Variants in PPP2R2B observed in about 807,000 individuals in gnomAD.
PPP2R2B encodes protein phosphatase 2 regulatory subunit Bbeta.
A neutral mutation model predicts 46.0 loss-of-function variants in PPP2R2B; 5 were observed. That is an observed-to-expected ratio of 0.11 (90% confidence interval 0.06 to 0.23). The LOEUF (loss-of-function observed/expected upper bound fraction) is 0.23. PPP2R2B is among the 10% of genes least tolerant of loss of function. PPP2R2B has a pLI of 1.00. For synonymous variants in PPP2R2B, 215 were observed against 206.7 expected, an observed-to-expected ratio of 1.04 and a Z score of -0.34; for missense variants, 367 against 575.0, an observed-to-expected ratio of 0.64 and a Z score of 3.70.
At chr5:146,802,506 C>T (rs1756923048) in intron 2 of PPP2R2B, among the ~76,000 whole-genome samples, 1 of 152,242 alleles carries the variant, frequency 6.6e-6, no homozygotes, top group South Asian at 2.1e-4. Flanking sequence ...CATTAAGCAC[C>T]AAATCCAAGG....
chr5:146,869,467 A>T (rs1049692780), intron 2 of PPP2R2B, among the ~76,000 whole-genome samples: 2 of 152,248 alleles, frequency 1.3e-5, no homozygotes, highest in Non-Finnish European at 1.5e-5. Context: ...GGCATGAGAC[A>T]GATGTAGGTG....
intron 2 of PPP2R2B, among the ~76,000 whole-genome samples, chr5:146,782,939 G>T (rs557391226): frequency 6.6e-6 from 1 of 152,050 alleles, no homozygotes; most frequent in Non-Finnish European, 1.5e-5. Context: ...GGATACAAAA[G>T]TGTCATAGAA....
At chr5:146,723,953 G>C (rs185634335) in intron 2 of PPP2R2B, among the ~76,000 whole-genome samples, 1 of 151,874 alleles carries the variant, frequency 6.6e-6, no homozygotes, top group Admixed American at 6.6e-5. Context: ...TCATTCATTC[G>C]TGCCAACATT....
At chr5:146,891,774 A>G (rs1340701434) in intron 1 of PPP2R2B, among the ~76,000 whole-genome samples, 1 of 152,242 alleles carries the variant, frequency 6.6e-6, no homozygotes, top group African/African-American at 2.4e-5. Context: ...TAGCTTTGAC[A>G]GATAAAATAG....
At chr5:147,032,180 G>A (rs566894344) in intron 1 of PPP2R2B, among the ~76,000 whole-genome samples, 10 of 152,018 alleles carry the variant, frequency 6.6e-5, no homozygotes, top group African/African-American at 2.2e-4. Context: ...AATCTACAAC[G>A]AACTCAAACA....
Position 146,588,192 on chromosome 5 carries a change from C to G in PPP2R2B, c.*1755G>C, listed in dbSNP as rs1229082527. The stretch of plus-strand genomic sequence containing the variant: ...GAAAAATGAGAAATACTGAGAAAGT[C>G]TCGTCTTTGTTCCCATGCTCCCTCA... On this transcript the variant is annotated 3_prime_UTR_variant, in exon 10 of 10. Coordinates refer to ENST00000394411, the MANE Select transcript of PPP2R2B (RefSeq NM_181675.4). The G allele has an allele frequency of 6.6e-6, 1 of 152,220 alleles. No individual in the cohort carries two copies. The highest frequency in any genetic ancestry group is 2.4e-5 in the African/African-American group (1 of 41,468). The allele number at this position is 152,220 out of a possible 1,614,324, so 9.4% of individuals were successfully genotyped here.
Position 146,650,707 on chromosome 5 carries a change from G to A in PPP2R2B, c.465C>T (p.Pro155=), listed in dbSNP as rs1174472483. ...GGGTGGCCTCCACCATCAGGTCCAT[G>A]GGTCTCAGGACAGGCACCTGGGATG... is the stretch of plus-strand genomic sequence containing the variant. ...ITTLRVPVLR[P]MDLMVEATPR... The change falls in exon 6 of 10, where the codon CCC becomes CCT. Residue 155 remains proline (P), a synonymous_variant. Coordinates refer to ENST00000394411, the MANE Select transcript of PPP2R2B (RefSeq NM_181675.4). The A allele has an allele frequency of 1.1e-5, 18 of 1,613,732 alleles. No homozygotes were observed. The highest frequency in any genetic ancestry group is 1.4e-5 in the Non-Finnish European group (16 of 1,179,806).
At chr5:146,644,208 C>A (rs1318399441) in intron 6 of PPP2R2B, among the ~76,000 whole-genome samples, 3 of 132,784 alleles carry the variant, frequency 2.3e-5, no homozygotes, top group South Asian at 2.4e-4. Context: ...GATTAGGAAC[C>A]TGAACTTCTT....
At position 146,589,011 on chromosome 5, in the gene PPP2R2B, T is replaced by C. The variant is rs1049663971; in HGVS notation, c.*936A>G. 9.2e-5 allele frequency: 14 copies of C among 152,238 alleles called. No individual in the cohort carries two copies. The highest frequency in any genetic ancestry group is 3.1e-4 in the African/African-American group (13 of 41,440). The allele number at this position is 152,238 out of a possible 1,614,324, so 9.4% of individuals were successfully genotyped here. On this transcript the variant is annotated 3_prime_UTR_variant, in exon 10 of 10. Coordinates refer to ENST00000394411, the MANE Select transcript of PPP2R2B (RefSeq NM_181675.4). ...CTCAGGGACTCAGGGGTGGTGGCAC[T>C]GCTTCCAACTTACTGCTTCATTTAG...
At chr5:146,883,971 C>T (rs1390460686) in intron 1 of PPP2R2B, among the ~76,000 whole-genome samples, 3 of 151,702 alleles carry the variant, frequency 2.0e-5, no homozygotes, top group Non-Finnish European at 4.4e-5. Context: ...GCTGATTTTG[C>T]TGATCACGTA....
At chr5:147,029,978 T>C (rs981986896) in intron 1 of PPP2R2B, among the ~76,000 whole-genome samples, 1 of 152,248 alleles carries the variant, frequency 6.6e-6, no homozygotes, top group Non-Finnish European at 1.5e-5. Context: ...GTTGGCTGGC[T>C]TTTTGTGCTT....
At chr5:146,643,822 G>T (rs894946747) in intron 6 of PPP2R2B, among the ~76,000 whole-genome samples, 2 of 152,172 alleles carry the variant, frequency 1.3e-5, no homozygotes, top group Non-Finnish European at 2.9e-5. Flanking sequence ...GAATATGCCT[G>T]ATATATAAAT....
upstream of PPP2R2B, among the ~76,000 whole-genome samples, chr5:146,879,564 C>T (rs1401071677): frequency 6.6e-6 from 1 of 152,154 alleles, no homozygotes; most frequent in African/African-American, 2.4e-5. Flanking sequence ...CCTGTGCCCA[C>T]AGAGAGCCAC....
intron 2 of PPP2R2B, among the ~76,000 whole-genome samples, chr5:146,840,612 G>A (rs992601941): frequency 1.3e-5 from 2 of 152,136 alleles, no homozygotes; most frequent in African/African-American, 4.8e-5. Flanking sequence ...TCCATCAGCT[G>A]TGACAGGCAG....
intron 2 of PPP2R2B, among the ~76,000 whole-genome samples, chr5:146,705,917 AG>A (rs1779808545): frequency 6.6e-6 from 1 of 152,042 alleles, no homozygotes; most frequent in African/African-American, 2.4e-5. Context: ...TTTTCATTTC[AG>A]AATATATCTT....
At chr5:146,971,828 T>C (rs1752674304) in intron 1 of PPP2R2B, among the ~76,000 whole-genome samples, 1 of 152,240 alleles carries the variant, frequency 6.6e-6, no homozygotes, top group African/African-American at 2.4e-5. Context: ...GGAATAATTC[T>C]AGATTTTATA....
At chr5:146,708,783 T>G (rs1281189160) in intron 2 of PPP2R2B, among the ~76,000 whole-genome samples, 1 of 152,162 alleles carries the variant, frequency 6.6e-6, no homozygotes, top group African/African-American at 2.4e-5. Flanking sequence ...GGGATTCTGT[T>G]TGGATGGTAT....
intron 7 of PPP2R2B, among the ~76,000 whole-genome samples, chr5:146,632,069 CCCCG>C (rs1561788185): frequency 1.1e-4 from 15 of 131,094 alleles, no homozygotes; most frequent in African/African-American, 4.2e-4. Flanking sequence ...GTGCCCCCCC[CCCCG>C]CCCATTCATA....
intron 6 of PPP2R2B, among the ~76,000 whole-genome samples, chr5:146,649,757 C>T (rs1185511346): frequency 6.6e-6 from 1 of 152,036 alleles, no homozygotes; most frequent in African/African-American, 2.4e-5. Flanking sequence ...GCCGACTTTT[C>T]TATATTTTAA....
Sources: allele counts gnomAD v4.1 joint callset (sites outside exome capture counted in the v4.1 genomes callset), GRCh38; gene constraint gnomAD v4.1.1; transcripts MANE v1.5; gene names NCBI Gene and HGNC (gene_info 2026-07-23, HGNC 2026-07-21).